Variants in KCNJ4 observed in about 807,000 individuals in gnomAD.
KCNJ4 encodes inward rectifier potassium channel 4.
Under a neutral mutation model 25.6 loss-of-function variants are expected in KCNJ4, and 3 were observed. The ratio of observed to expected loss-of-function variants is 0.12; its 90% CI spans 0.05 to 0.30. KCNJ4 has a LOEUF of 0.30. KCNJ4 is among the 10% of genes least tolerant of loss of function. The probability of loss-of-function intolerance (pLI) is 1.00; values close to 1 mark genes in which losing one functional copy is unlikely to be tolerated. For missense variants in KCNJ4, 286 were observed against 666.8 expected (o/e 0.43, Z 6.29); for synonymous variants, 257 against 283.9 (o/e 0.91, Z 0.95).
intron 1 of KCNJ4, among the ~76,000 whole-genome samples, chr22:38,452,567 G>A (rs542865204): frequency 1.3e-5 from 2 of 152,294 alleles, no homozygotes; most frequent in South Asian, 4.1e-4. Context: ...GAGCGGCGGC[G>A]GTGGTGATGT....
intron 1 of KCNJ4, among the ~76,000 whole-genome samples, chr22:38,442,142 G>A (rs572399618): frequency 6.6e-5 from 10 of 152,232 alleles, no homozygotes; most frequent in South Asian, 2.1e-4. Context: ...CTGTATTCCC[G>A]TTTGTGTCTT....
At position 38,427,740 on chromosome 22, in the gene KCNJ4, C is replaced by A; in HGVS notation, c.393G>T (p.Thr131=). Residue 131 remains threonine, a synonymous_variant, in exon 2 of 2, where the codon ACG becomes ACT. Coordinates refer to ENST00000303592, the MANE Select transcript of KCNJ4 (RefSeq NM_152868.3). ...FLGAFLFSVE[T]QTTIGYGFRC... ...GGAACCCATAGCCGATGGTCGTCTGCGTCTCCACCGAGAACAGGAAGGCAC... is the reference window on the plus strand; with the variant it reads ...GGAACCCATAGCCGATGGTCGTCTGAGTCTCCACCGAGAACAGGAAGGCAC... 6.2e-7 allele frequency: 1 copy of A among 1,604,022 alleles called. No individual in the cohort carries two copies. The highest frequency in any genetic ancestry group is 1.1e-5 in the South Asian group (1 of 90,734).
intron 1 of KCNJ4, among the ~76,000 whole-genome samples, chr22:38,454,196 C>T (rs1474454168): frequency 2.0e-5 from 3 of 152,184 alleles, no homozygotes; most frequent in East Asian, 3.9e-4. Flanking sequence ...GCCAGGCTGC[C>T]CTGCCTCTAG....
chr22:38,446,209 C>T (rs1238758606), intron 1 of KCNJ4, among the ~76,000 whole-genome samples: 2 of 152,232 alleles, frequency 1.3e-5, no homozygotes, highest in African/African-American at 4.8e-5. Flanking sequence ...GGGCCCCGCC[C>T]GTGGCTGGCT....
intron 1 of KCNJ4, among the ~76,000 whole-genome samples, chr22:38,447,402 C>T (rs1464492369): frequency 6.6e-6 from 1 of 152,164 alleles, no homozygotes; most frequent in South Asian, 2.1e-4. Context: ...CCTCTGCCTG[C>T]TCCATTTCAC....
At chr22:38,450,998 G>A (rs1015746444) in intron 1 of KCNJ4, among the ~76,000 whole-genome samples, 1 of 151,864 alleles carries the variant, frequency 6.6e-6, no homozygotes, top group Non-Finnish European at 1.5e-5. Context: ...TGTGACCCTG[G>A]ACAAATCACA....
chr22:38,446,331 CG>C (rs1363314529), intron 1 of KCNJ4, among the ~76,000 whole-genome samples: 1 of 152,220 alleles, frequency 6.6e-6, no homozygotes, highest in Non-Finnish European at 1.5e-5. Flanking sequence ...CAGCCACTGC[CG>C]GGTGTCTGTT....
At chr22:38,446,811 C>G (rs1313819843) in intron 1 of KCNJ4, among the ~76,000 whole-genome samples, 1 of 152,060 alleles carries the variant, frequency 6.6e-6, no homozygotes, top group Non-Finnish European at 1.5e-5. Flanking sequence ...CAAAAATTAA[C>G]CGAGCATGGT....
intron 1 of KCNJ4, among the ~76,000 whole-genome samples, chr22:38,440,533 C>T (rs61296698): frequency 0.023 from 3,565 of 152,260 alleles, 144 homozygotes; most frequent in African/African-American, 0.081. Flanking sequence ...CAGAATGAGA[C>T]GCTGTCTCAA....
At chr22:38,430,475 C>T (rs1006608252) in intron 1 of KCNJ4, among the ~76,000 whole-genome samples, 21 of 152,332 alleles carry the variant, frequency 1.4e-4, no homozygotes, top group African/African-American at 4.1e-4. Flanking sequence ...TGCACTCCAG[C>T]CTGGGCAACA....
chr22:38,451,970 CCT>C (rs1288751602), intron 1 of KCNJ4, among the ~76,000 whole-genome samples: 2 of 152,232 alleles, frequency 1.3e-5, no homozygotes, highest in African/African-American at 4.8e-5. Context: ...TCCACGGGCC[CCT>C]GAGTGTCTAT....
intron 1 of KCNJ4, among the ~76,000 whole-genome samples, chr22:38,446,984 ACGCCCACCCTTACGGGGCAGGGGGT>A (rs1569124192): frequency 6.0e-5 from 9 of 151,128 alleles, no homozygotes; most frequent in African/African-American, 2.2e-4. Context: ...ACAGAGGCAA[ACGCCCACCCTTACGGGGCAGGGGGT>A]AAAGGCTCAG....
chr22:38,427,735 G>A lies in KCNJ4; in HGVS notation c.398C>T (p.Thr133Met). 1.9e-6 allele frequency: 3 copies of A among 1,608,924 alleles called. No homozygotes were observed. The highest frequency in any genetic ancestry group is 2.5e-6 in the Non-Finnish European group (3 of 1,179,528). The change falls in exon 2 of 2, where the codon ACG (threonine) becomes ATG (methionine). Residue 133 changes from threonine to methionine, a missense_variant. By Grantham distance (81) the Thr-to-Met change is moderately conservative (BLOSUM62 -1). Coordinates refer to ENST00000303592, the MANE Select transcript of KCNJ4 (RefSeq NM_152868.3). The stretch of plus-strand genomic sequence containing the variant: ...GCACCGGAACCCATAGCCGATGGTC[G>A]TCTGCGTCTCCACCGAGAACAGGAA... ...GAFLFSVETQ[T>M]TIGYGFRCVT... is the part of the protein sequence containing the mutation.
intron 1 of KCNJ4, among the ~76,000 whole-genome samples, chr22:38,451,951 C>G (rs918650163): frequency 3.9e-5 from 6 of 152,234 alleles, no homozygotes; most frequent in African/African-American, 1.4e-4. Flanking sequence ...CCCTGCCCAG[C>G]ATGCTGGATC....
At chr22:38,433,492 T>G (rs764328022) in intron 1 of KCNJ4, among the ~76,000 whole-genome samples, 1 of 152,182 alleles carries the variant, frequency 6.6e-6, no homozygotes, top group Non-Finnish European at 1.5e-5. Context: ...ATTATTACTA[T>G]TTTTTATAGA....
intron 1 of KCNJ4, among the ~76,000 whole-genome samples, chr22:38,436,522 C>A (rs1169921806): frequency 6.6e-6 from 1 of 152,176 alleles, no homozygotes; most frequent in Non-Finnish European, 1.5e-5. Context: ...GCAGTGCCTA[C>A]CTGCAGGGCC....
chr22:38,426,828 G>T lies in KCNJ4; in HGVS notation c.1305C>A (p.Asp435Glu), dbSNP rs761125289. The T allele has an allele frequency of 2.9e-5, 46 of 1,613,090 alleles. No individual in the cohort carries two copies. The highest frequency in any genetic ancestry group is 3.7e-5 in the Non-Finnish European group (44 of 1,179,744). Residue 435 changes from aspartate (D) to glutamate (E), a missense_variant, in exon 2 of 2, where the codon GAC becomes GAA. Transcript: ENST00000303592. ...CAGACTCCCTGCGGTAGGAGATGTT[G>T]TCCAGCGGGAGGGAAGCCTGCATGC... ...LERMQASLPL[D>E]NISYRRESAI
In KCNJ4 at chr22:38,431,490, C is replaced by T. The variant is rs565315366; in HGVS notation, c.-39-3319G>A. Among the ~76,000 whole-genome samples, 49 of 152,344 alleles carry T rather than the reference C, an allele frequency of 3.2e-4. 1 individual carries two copies. Among genetic ancestry groups the T allele is most frequent in the Middle Eastern group, 6.8e-3 (2 of 294 alleles). ...CATGGTTTACCCCTCACCCCGGTGC[C>T]TCCCCGACAGCCCACAGCAGGTGTC... On this transcript the variant is annotated intron_variant, in intron 1 of 1. Coordinates refer to ENST00000303592, the MANE Select transcript of KCNJ4 (RefSeq NM_152868.3).
At chr22:38,445,749 G>A (rs1198870599) in intron 1 of KCNJ4, among the ~76,000 whole-genome samples, 7 of 152,206 alleles carry the variant, frequency 4.6e-5, no homozygotes, top group Non-Finnish European at 4.4e-5. Flanking sequence ...AAAACAAGTA[G>A]TGCAACTCAC....
Sources: allele counts gnomAD v4.1 joint callset (sites outside exome capture counted in the v4.1 genomes callset), GRCh38; gene constraint gnomAD v4.1.1; transcripts MANE v1.5; gene names NCBI Gene and HGNC (gene_info 2026-07-23, HGNC 2026-07-21).